RAB3C: variants seen among roughly 807,000 people sequenced by gnomAD.
RAB3C encodes the protein ras-related protein Rab-3C.
In RAB3C, 17 loss-of-function variants were observed where a neutral mutation model predicts 26.4. The ratio of observed to expected loss-of-function variants is 0.64; its 90% CI spans 0.44 to 0.97. RAB3C has a LOEUF of 0.97. Among genes scored for constraint, RAB3C ranks in the 50% least tolerant of loss-of-function variants. The probability of loss-of-function intolerance (pLI) is 0.00; values close to 1 mark genes in which losing one functional copy is unlikely to be tolerated. For missense variants in RAB3C, 242 were observed against 281.9 expected (o/e 0.86, Z 1.01); for synonymous variants, 91 against 95.9 (o/e 0.95, Z 0.30).
chr5:58,797,396 T>TATATATATATATATAC (rs1561133620), intron 3 of RAB3C, among the ~76,000 whole-genome samples: 8 of 116,812 alleles, frequency 6.8e-5, no homozygotes, highest in African/African-American at 2.9e-4. Context: ...TATATATATA[T>TATATATATATATATAC]ACACAGAGAG....
chr5:58,723,266 C>T (rs1740813751), intron 2 of RAB3C, among the ~76,000 whole-genome samples: 2 of 151,758 alleles, frequency 1.3e-5, no homozygotes, highest in South Asian at 4.1e-4. Flanking sequence ...ACCTGTTCTA[C>T]ATTATTTCTG....
At chr5:58,726,728 G>T (rs1740898844) in intron 3 of RAB3C, among the ~76,000 whole-genome samples, 1 of 152,006 alleles carries the variant, frequency 6.6e-6, no homozygotes, top group Admixed American at 6.6e-5. Context: ...TAAAGGATAA[G>T]ATAAAACCAA....
intron 2 of RAB3C, among the ~76,000 whole-genome samples, chr5:58,723,367 C>T (rs910024933): frequency 6.6e-6 from 1 of 151,724 alleles, no homozygotes; most frequent in Admixed American, 6.6e-5. Context: ...ATCAGGCCAG[C>T]CTTACCCCTG....
At chr5:58,584,664 CTATGTA>C (rs2111644589) in intron 1 of RAB3C, among the ~76,000 whole-genome samples, 1 of 152,192 alleles carries the variant, frequency 6.6e-6, no homozygotes, top group African/African-American at 2.4e-5. Context: ...TTATACTTCA[CTATGTA>C]TATGTATATT....
chr5:58,607,307 A>C (rs1052999061), intron 1 of RAB3C, among the ~76,000 whole-genome samples: 79 of 152,338 alleles, frequency 5.2e-4, no homozygotes, highest in Non-Finnish European at 1.5e-4. Flanking sequence ...GGAAGAAAGG[A>C]TATCAGTGAT....
chr5:58,728,108 G>A (rs1257331340), intron 3 of RAB3C, among the ~76,000 whole-genome samples: 1 of 152,010 alleles, frequency 6.6e-6, no homozygotes, highest in Non-Finnish European at 1.5e-5. Context: ...ACAAAAGCCT[G>A]TTCTAGAAAC....
chr5:58,844,714 T>G (rs965458374), intron 4 of RAB3C, among the ~76,000 whole-genome samples: 1 of 152,192 alleles, frequency 6.6e-6, no homozygotes, highest in African/African-American at 2.4e-5. Flanking sequence ...AGCTTGGGAA[T>G]AGAAACTTAA....
chr5:58,644,170 A>G (rs1747470277), intron 2 of RAB3C, among the ~76,000 whole-genome samples: 1 of 151,990 alleles, frequency 6.6e-6, no homozygotes, highest in South Asian at 2.1e-4. Context: ...ATGACATAAT[A>G]TTTGTGGAAT....
At chr5:58,735,863 T>G (rs548677106) in intron 3 of RAB3C, among the ~76,000 whole-genome samples, 1 of 152,166 alleles carries the variant, frequency 6.6e-6, no homozygotes, top group Non-Finnish European at 1.5e-5. Context: ...CAGATTGTTA[T>G]ACATTCCTAA....
At chr5:58,702,761 T>A (rs943257481) in intron 2 of RAB3C, among the ~76,000 whole-genome samples, 1 of 152,052 alleles carries the variant, frequency 6.6e-6, no homozygotes, top group African/African-American at 2.4e-5. Context: ...AATTTGAAAA[T>A]ACAGAAGAAT....
chr5:58,770,852 A>T (rs980007345), intron 3 of RAB3C, among the ~76,000 whole-genome samples: 1 of 152,178 alleles, frequency 6.6e-6, no homozygotes, highest in African/African-American at 2.4e-5. Context: ...AAAACTCAAT[A>T]GGAAGAGATT....
At chr5:58,660,495 T>C (rs1457061737) in intron 2 of RAB3C, among the ~76,000 whole-genome samples, 3 of 150,212 alleles carry the variant, frequency 2.0e-5, no homozygotes, top group South Asian at 4.1e-4. Context: ...GAGGGATATA[T>C]CTCATATATT....
chr5:58,782,325 A>G (rs387958), intron 3 of RAB3C, among the ~76,000 whole-genome samples: 119,265 of 151,986 alleles, frequency 0.78, 46,939 homozygotes, highest in African/African-American at 0.83. Flanking sequence ...ATGATGCCTT[A>G]AACTCCCGTC....
At chr5:58,612,490 G>GTT (rs1746725996) in intron 1 of RAB3C, among the ~76,000 whole-genome samples, 1 of 63,468 alleles carries the variant, frequency 1.6e-5, no homozygotes. Flanking sequence ...GTTCCTAGGT[G>GTT]TGTGTGTGTG....
chr5:58,742,608 A>G (rs1741299888), intron 3 of RAB3C, among the ~76,000 whole-genome samples: 2 of 152,198 alleles, frequency 1.3e-5, no homozygotes, highest in Admixed American at 1.3e-4. Context: ...GAAAACATAG[A>G]TGCTTTGTTA....
chr5:58,856,956 C>G lies in RAB3C; in HGVS notation c.*5605C>G, dbSNP rs1026678362. 6.6e-6 allele frequency: 1 copy of G among 152,142 alleles called. No individual in the cohort carries two copies. Among genetic ancestry groups the G allele is most frequent in the Admixed American group, 6.5e-5 (1 of 15,274 alleles). The allele number at this position is 152,142 out of a possible 1,614,324, so 9.4% of individuals were successfully genotyped here. On this transcript the variant is annotated 3_prime_UTR_variant, in exon 5 of 5. Coordinates refer to ENST00000282878, the MANE Select transcript of RAB3C (RefSeq NM_138453.4). ...TGTTAATGTCAGACGTGATGTGATA[C>G]CGTTAGACTGTCCAAATGTACAACA... is the stretch of plus-strand genomic sequence containing the variant.
chr5:58,716,251 C>A (rs1749171418), intron 2 of RAB3C, among the ~76,000 whole-genome samples: 1 of 151,958 alleles, frequency 6.6e-6, no homozygotes, highest in African/African-American at 2.4e-5. Context: ...CTGGACACAG[C>A]TACAATTGGT....
chr5:58,833,086 T>C (rs570480964), intron 4 of RAB3C, among the ~76,000 whole-genome samples: 1 of 152,286 alleles, frequency 6.6e-6, no homozygotes, highest in African/African-American at 2.4e-5. Flanking sequence ...ATATAATTTA[T>C]GAAATATTCA....
At chr5:58,802,030 T>C (rs1192724996) in intron 3 of RAB3C, among the ~76,000 whole-genome samples, 1 of 152,230 alleles carries the variant, frequency 6.6e-6, no homozygotes, top group Non-Finnish European at 1.5e-5. Context: ...TTGTTCTTAC[T>C]GAGGAAAGCA....
Sources: allele counts gnomAD v4.1 joint callset (sites outside exome capture counted in the v4.1 genomes callset), GRCh38; gene constraint gnomAD v4.1.1; transcripts MANE v1.5; gene names NCBI Gene and HGNC (gene_info 2026-07-23, HGNC 2026-07-21).